The following EXOC2 variants were observed in gnomAD, a reference collection of about 807,000 sequenced individuals.
The protein encoded by EXOC2 is exocyst complex component 2.
In EXOC2, 70 loss-of-function variants were observed where a neutral mutation model predicts 131.8. The observed-to-expected ratio is 0.53, with a 90% CI of 0.44 to 0.65. The LOEUF is 0.65. Ranked by LOEUF, EXOC2 falls within the 30% of genes least tolerant of loss-of-function variation. The pLI, the probability that EXOC2 is intolerant of heterozygous loss-of-function variation, is 0.00. For missense variants in EXOC2, 923 were observed against 1,108.6 expected, an observed-to-expected ratio of 0.83 and a Z score of 2.38; for synonymous variants, 411 against 398.4, an observed-to-expected ratio of 1.03 and a Z score of -0.38.
intron 1 of EXOC2, among the ~76,000 whole-genome samples, chr6:650,572 G>A (rs901681391): frequency 1.3e-5 from 2 of 152,152 alleles, no homozygotes; most frequent in East Asian, 3.9e-4. Context: ...AATATTATAG[G>A]CAACGTATCT....
In EXOC2 at chr6:629,192, A is replaced by C. The variant is rs538670480; in HGVS notation, c.422+643T>G. Among the ~76,000 whole-genome samples the C allele has an allele frequency of 1.2e-4, 19 of 152,378 alleles. No homozygotes were observed. In the South Asian group the frequency reaches 2.9e-3, roughly 23 times the overall value. On this transcript the variant is annotated intron_variant, in intron 4 of 27. Coordinates refer to ENST00000230449, the MANE Select transcript of EXOC2 (RefSeq NM_018303.6). Reference sequence around the variant, plus strand: ...GGTAAGAGTTTACAGAGCAATACTCAGTATACAATTCCATAAGCAGAAGCA... The same window carrying C: ...GGTAAGAGTTTACAGAGCAATACTCCGTATACAATTCCATAAGCAGAAGCA...
intron 1 of EXOC2, among the ~76,000 whole-genome samples, chr6:674,961 A>T (rs1397800928): frequency 6.6e-6 from 1 of 151,980 alleles, no homozygotes; most frequent in Non-Finnish European, 1.5e-5. Flanking sequence ...CCCTCCAAAA[A>T]ATTATTCAGA....
At chr6:495,982 T>G (rs1334913646) in intron 25 of EXOC2, among the ~76,000 whole-genome samples, 1 of 152,242 alleles carries the variant, frequency 6.6e-6, no homozygotes, top group African/African-American at 2.4e-5. Flanking sequence ...AAAAATCTAT[T>G]ATTATCATCT....
intron 23 of EXOC2, among the ~76,000 whole-genome samples, chr6:512,662 G>A (rs1332202759): frequency 2.6e-5 from 4 of 152,126 alleles, no homozygotes; most frequent in Non-Finnish European, 4.4e-5. Flanking sequence ...TATACAAAAC[G>A]ACACCGTATT....
chr6:667,900 T>TCCAC (rs1561993064), intron 1 of EXOC2, among the ~76,000 whole-genome samples: 1 of 151,718 alleles, frequency 6.6e-6, no homozygotes, highest in Non-Finnish European at 1.5e-5. Flanking sequence ...CATCCATCCA[T>TCCAC]CCATCCATCC....
intron 23 of EXOC2, among the ~76,000 whole-genome samples, chr6:521,693 A>G (rs1765476899): frequency 6.6e-6 from 1 of 151,786 alleles, no homozygotes; most frequent in Non-Finnish European, 1.5e-5. Flanking sequence ...TGCCCAGCTA[A>G]TTTTTGTGTT....
At chr6:664,679 A>C (rs1763560120) in intron 1 of EXOC2, among the ~76,000 whole-genome samples, 1 of 152,158 alleles carries the variant, frequency 6.6e-6, no homozygotes, top group African/African-American at 2.4e-5. Flanking sequence ...ACAAAACCAT[A>C]AAGTGGGGAA....
intron 23 of EXOC2, among the ~76,000 whole-genome samples, chr6:531,454 C>G (rs934721948): frequency 9.6e-5 from 7 of 72,626 alleles, no homozygotes; most frequent in African/African-American, 6.3e-4. Flanking sequence ...GCTGGCATGA[C>G]TGCCATGACT....
At chr6:598,633 G>A (rs531715392) in intron 9 of EXOC2, among the ~76,000 whole-genome samples, 3 of 152,280 alleles carry the variant, frequency 2.0e-5, no homozygotes, top group South Asian at 4.1e-4. Context: ...GTTAACAAAC[G>A]GCAGAGAACG....
At chr6:684,479 A>G (rs1324273365) in intron 1 of EXOC2, among the ~76,000 whole-genome samples, 2 of 152,176 alleles carry the variant, frequency 1.3e-5, no homozygotes, top group Non-Finnish European at 2.9e-5. Context: ...ATCAAGACAA[A>G]AGGCCACATT....
At chr6:575,863 T>A (rs752073002) in intron 12 of EXOC2, among the ~76,000 whole-genome samples, 77 of 152,160 alleles carry the variant, frequency 5.1e-4, no homozygotes, top group Non-Finnish European at 1.1e-3. Context: ...GAGCAAACGG[T>A]TCTGATCTAA....
At chr6:553,773 C>A in intron 21 of EXOC2, 81 bp downstream of exon 21, 3 of 1,137,396 alleles carry the variant, frequency 2.6e-6, no homozygotes, top group Non-Finnish European at 1.3e-6. Flanking sequence ...AGCAAGGATG[C>A]AGGAACACAG....
At chr6:570,134 C>CT (rs1758186709) in intron 13 of EXOC2, among the ~76,000 whole-genome samples, 1 of 39,668 alleles carries the variant, frequency 2.5e-5, no homozygotes, top group African/African-American at 1.3e-4. Flanking sequence ...CTAATTCTTT[C>CT]TCTTTTTTTT....
rs374133201 is a variant in EXOC2 at position 502,930 on chromosome 6, G to GT, written c.2381-3231dup. Among the ~76,000 whole-genome samples the GT allele has an allele frequency of 1.1e-3, 166 of 152,316 alleles. 1 individual carries two copies. Among genetic ancestry groups the GT allele is most frequent in the African/African-American group, 3.2e-3 (132 of 41,570 alleles). On this transcript the variant is annotated intron_variant, in intron 23 of 27. Coordinates refer to ENST00000230449, the MANE Select transcript of EXOC2 (RefSeq NM_018303.6). ...TGTGGTCCTGTGTGGACAGGAAGTG[G>GT]TACCGCTAGTCAAACCACACATCAG...
chr6:489,090 T>C, intron 26 of EXOC2, 52 bp from the exon 27 acceptor site: 4 of 1,562,072 alleles, frequency 2.6e-6, no homozygotes, highest in Non-Finnish European at 3.5e-6. Context: ...GGAGAACTGC[T>C]GACAAATTCT....
At chr6:581,067 G>A (rs970684858) in intron 11 of EXOC2, among the ~76,000 whole-genome samples, 1 of 152,164 alleles carries the variant, frequency 6.6e-6, no homozygotes, top group African/African-American at 2.4e-5. Flanking sequence ...GCCGAGGTGG[G>A]TGGATCATTT....
At chr6:491,365 C>A (rs1164259349) in intron 25 of EXOC2, among the ~76,000 whole-genome samples, 179 bp from the exon 26 acceptor site, 1 of 152,240 alleles carries the variant, frequency 6.6e-6, no homozygotes, top group Non-Finnish European at 1.5e-5. Context: ...TTTGCTACCA[C>A]AAAATGTTCG....
intron 1 of EXOC2, among the ~76,000 whole-genome samples, chr6:668,280 GTC>G (rs1561993514): frequency 6.6e-6 from 1 of 152,174 alleles, no homozygotes; most frequent in Admixed American, 6.5e-5. Flanking sequence ...CCTCCATCAT[GTC>G]TCTCCTACAG....
At chr6:566,453 C>T (rs1465854892) in intron 13 of EXOC2, among the ~76,000 whole-genome samples, 1 of 152,200 alleles carries the variant, frequency 6.6e-6, no homozygotes, top group Non-Finnish European at 1.5e-5. Context: ...TGCCCTGGTG[C>T]TGCAGTGAGG....
Sources: gnomAD v4.1 joint callset for allele counts (sites outside exome capture counted in the v4.1 genomes callset) on GRCh38, gnomAD v4.1.1 for gene constraint, MANE v1.5 for transcripts, NCBI Gene and HGNC (gene_info 2026-07-23, HGNC 2026-07-21) for gene names.